SLC4A4: variants seen among roughly 807,000 people sequenced by gnomAD.
SLC4A4 encodes electrogenic sodium bicarbonate cotransporter 1.
Under a neutral mutation model 111.5 loss-of-function variants are expected in SLC4A4, and 27 were observed. The observed-to-expected ratio is 0.24, with a 90% CI of 0.18 to 0.33. SLC4A4 has a LOEUF of 0.33. Ranked by LOEUF, SLC4A4 falls within the 10% of genes least tolerant of loss-of-function variation. SLC4A4 has a pLI of 1.00. For missense variants in SLC4A4, 909 were observed against 1,315.5 expected (o/e 0.69, Z 4.78); for synonymous variants, 443 against 463.4 (o/e 0.96, Z 0.57).
rs374096311 is a variant in SLC4A4 at position 71,385,855 on chromosome 4, C to T, written c.731-11722C>T. On this transcript the variant is annotated intron_variant, in intron 6 of 25. Coordinates refer to ENST00000264485, the MANE Select transcript of SLC4A4 (RefSeq NM_001098484.3). The stretch of plus-strand genomic sequence containing the variant: ...CTGCTTTACGAGACTGATTGCTTTC[C>T]ACATCACTGCACAGTGGACATTCTG... Among the ~76,000 whole-genome samples, 3 of 152,258 alleles carry T rather than the reference C, an allele frequency of 2.0e-5. No individual in the cohort carries two copies. The East Asian group carries it at 5.8e-4, about 29-fold the overall frequency.
At chr4:71,085,023 A>G (rs1426510334) in intron 1 of SLC4A4, among the ~76,000 whole-genome samples, 2 of 152,094 alleles carry the variant, frequency 1.3e-5, no homozygotes, top group Non-Finnish European at 2.9e-5. Flanking sequence ...TCCCACCAAC[A>G]GTGTAAAAGT....
In SLC4A4 at chr4:71,156,173, G is replaced by A. The variant is rs369631745; in HGVS notation, c.-2+63381G>A. ...GTGGCATAGAATTCCACAGGGTGCC[G>A]CCAAGGAGGCTGTTGTGGTGGGAAG... On this transcript the variant is annotated intron_variant, in intron 2 of 26. Transcript: ENST00000649996. 2.4e-4 allele frequency among the ~76,000 whole-genome samples: 37 copies of A among 152,310 alleles called. No homozygotes were observed. In the South Asian group the frequency reaches 2.7e-3, roughly 11 times the overall value.
intron 1 of SLC4A4, among the ~76,000 whole-genome samples, chr4:71,195,518 T>C (rs1161902254): frequency 2.0e-5 from 3 of 152,142 alleles, no homozygotes; most frequent in African/African-American, 7.2e-5. Flanking sequence ...GTTAGGAAAA[T>C]TGAAATAAAT....
At chr4:71,102,819 C>A (rs1204834519) in intron 2 of SLC4A4, among the ~76,000 whole-genome samples, 1 of 149,588 alleles carries the variant, frequency 6.7e-6, no homozygotes, top group Non-Finnish European at 1.5e-5. Context: ...CAAAATCATG[C>A]CAAAATGTAA....
In SLC4A4 at chr4:71,372,360, G is replaced by T. The variant is rs191622554; in HGVS notation, c.730+15173G>T. On this transcript the variant is annotated intron_variant, in intron 6 of 25. Coordinates refer to ENST00000264485, the MANE Select transcript of SLC4A4 (RefSeq NM_001098484.3). ...ATGATTTCCTCTTACAGATCTCACC[G>T]GCAGGCCTGAAACCAGCCTGGGCTG... 1.6e-3 allele frequency among the ~76,000 whole-genome samples: 240 copies of T among 152,292 alleles called. 1 individual carries two copies. Among genetic ancestry groups the T allele is most frequent in the Admixed American group, 4.0e-3 (61 of 15,310 alleles).
intron 2 of SLC4A4, among the ~76,000 whole-genome samples, chr4:71,179,294 C>T (rs1234503529): frequency 6.6e-6 from 1 of 152,136 alleles, no homozygotes; most frequent in South Asian, 2.1e-4. Context: ...AAAACTGGCA[C>T]AAGACACGGA....
At chr4:71,091,480 C>A (rs1742386926) in intron 1 of SLC4A4, among the ~76,000 whole-genome samples, 1 of 150,944 alleles carries the variant, frequency 6.6e-6, no homozygotes, top group Non-Finnish European at 1.5e-5. Flanking sequence ...GTCTCGATCT[C>A]CTGACCTCAT....
At chr4:71,146,641 GT>G (rs1261207268) in intron 2 of SLC4A4, among the ~76,000 whole-genome samples, 1 of 152,078 alleles carries the variant, frequency 6.6e-6, no homozygotes, top group African/African-American at 2.4e-5. Flanking sequence ...CCTGTATTGG[GT>G]GCATATATAT....
At chr4:71,550,914 G>A (rs1381392593) in intron 20 of SLC4A4, among the ~76,000 whole-genome samples, 3 of 151,840 alleles carry the variant, frequency 2.0e-5, no homozygotes, top group Non-Finnish European at 4.4e-5. Context: ...TTAAGTTCAC[G>A]AGGATACCCC....
intron 2 of SLC4A4, among the ~76,000 whole-genome samples, chr4:71,096,443 G>A (rs1352355320): frequency 2.0e-5 from 3 of 152,256 alleles, no homozygotes; most frequent in South Asian, 2.1e-4. Flanking sequence ...ACGGTGAATC[G>A]CAGAAGTGAA....
intron 3 of SLC4A4, among the ~76,000 whole-genome samples, chr4:71,321,511 G>T (rs1446440438): frequency 6.6e-6 from 1 of 151,982 alleles, no homozygotes; most frequent in Non-Finnish European, 1.5e-5. Context: ...GCTGCTGTGT[G>T]CTGCTACCAC....
chr4:71,423,980 A>C (rs1488993606), intron 7 of SLC4A4, among the ~76,000 whole-genome samples: 1 of 151,496 alleles, frequency 6.6e-6, no homozygotes. Context: ...CAAAAGCCAA[A>C]ATTGACAAAT....
chr4:71,259,937 C>CA (rs1339806851), intron 3 of SLC4A4, among the ~76,000 whole-genome samples: 1 of 152,192 alleles, frequency 6.6e-6, no homozygotes, highest in African/African-American at 2.4e-5. Context: ...CAAGCATGAA[C>CA]ATGCATTCAT....
intron 8 of SLC4A4, among the ~76,000 whole-genome samples, chr4:71,444,860 T>G (rs1364739346): frequency 6.6e-6 from 1 of 152,202 alleles, no homozygotes; most frequent in Non-Finnish European, 1.5e-5. Flanking sequence ...AGGTTATGTT[T>G]CCTGCTGCTT....
intron 18 of SLC4A4, among the ~76,000 whole-genome samples, chr4:71,542,319 G>A (rs1403524775): frequency 6.6e-6 from 1 of 152,024 alleles, no homozygotes; most frequent in Non-Finnish European, 1.5e-5. Flanking sequence ...GATTATAACA[G>A]TGTTGTCGTG....
chr4:71,413,563 C>G (rs1721581889), intron 7 of SLC4A4, among the ~76,000 whole-genome samples: 1 of 152,248 alleles, frequency 6.6e-6, no homozygotes, highest in African/African-American at 2.4e-5. Context: ...AGTACTTCTG[C>G]ATTTAAGCAC....
chr4:71,206,843 C>T (rs1303685539), intron 1 of SLC4A4, among the ~76,000 whole-genome samples: 2 of 151,350 alleles, frequency 1.3e-5, no homozygotes, highest in Admixed American at 6.6e-5. Flanking sequence ...GAGAGGTTTC[C>T]GACCCTAGTG....
chr4:71,099,271 T>C (rs1742648225), intron 2 of SLC4A4, among the ~76,000 whole-genome samples: 1 of 152,046 alleles, frequency 6.6e-6, no homozygotes, highest in South Asian at 2.1e-4. Context: ...CATAGTGTGA[T>C]AAAAATAGAA....
intron 9 of SLC4A4, among the ~76,000 whole-genome samples, chr4:71,449,387 G>C (rs1031246535): frequency 6.6e-6 from 1 of 152,244 alleles, no homozygotes; most frequent in South Asian, 2.1e-4. Context: ...AGTTGGCTGG[G>C]AAAGTGAATC....
Sources: allele counts gnomAD v4.1 joint callset (sites outside exome capture counted in the v4.1 genomes callset), GRCh38; gene constraint gnomAD v4.1.1; transcripts MANE v1.5; gene names NCBI Gene and HGNC (gene_info 2026-07-23, HGNC 2026-07-21).